MAGI1: variants seen among roughly 807,000 people sequenced by gnomAD.
MAGI1 encodes the protein membrane-associated guanylate kinase, WW and PDZ domain-containing protein 1.
In MAGI1, 58 loss-of-function variants were observed where a neutral mutation model predicts 139.9. That is an observed-to-expected ratio of 0.41 (90% CI 0.34 to 0.52). MAGI1 has a LOEUF of 0.52. Ranked by LOEUF, MAGI1 falls within the 20% of genes least tolerant of loss-of-function variation. MAGI1 has a pLI of 0.12. For synonymous variants in MAGI1, 812 were observed against 737.9 expected (o/e 1.10, Z -1.63); for missense variants, 1,874 against 1,901.6 (o/e 0.99, Z 0.27).
At chr3:65,782,571 G>C (rs2039015364) in intron 1 of MAGI1, among the ~76,000 whole-genome samples, 1 of 111,864 alleles carries the variant, frequency 8.9e-6, no homozygotes, top group African/African-American at 3.3e-5. Context: ...CTGGACCAAA[G>C]GAGAATAAAA....
At chr3:65,433,531 T>C (rs1254376023) in intron 10 of MAGI1, among the ~76,000 whole-genome samples, 2 of 152,110 alleles carry the variant, frequency 1.3e-5, no homozygotes, top group Non-Finnish European at 2.9e-5. Context: ...AGAAACGCTT[T>C]TCACCCCATA....
At chr3:65,742,593 G>A (rs946225616) in intron 1 of MAGI1, among the ~76,000 whole-genome samples, 4 of 152,222 alleles carry the variant, frequency 2.6e-5, no homozygotes, top group East Asian at 1.9e-4. Context: ...TTGTGTGTGA[G>A]TGAATGTGTC....
rs111610990 is a variant in MAGI1, at chr3:65,383,793, G to A, written c.2417-170C>T. Among the ~76,000 whole-genome samples the A allele has an allele frequency of 2.6e-3, 389 of 152,270 alleles. 3 individuals carry two copies. The highest frequency in any genetic ancestry group is 8.5e-3 in the African/African-American group (355 of 41,554). On this transcript the variant is annotated intron_variant, in intron 14 of 22. Coordinates refer to ENST00000402939, the MANE Select transcript of MAGI1 (RefSeq NM_001033057.2). ...GAACAGGTGAAATAATGGAAGACACGGGGATAAACAGTGGGAATAGTCACT... is the reference window on the plus strand; with the variant it reads ...GAACAGGTGAAATAATGGAAGACACAGGGATAAACAGTGGGAATAGTCACT...
chr3:65,357,492 A>AC (rs370276311), intron 22 of MAGI1, among the ~76,000 whole-genome samples: 109 of 85,874 alleles, frequency 1.3e-3, no homozygotes, highest in Non-Finnish European at 1.5e-3. Flanking sequence ...TTCCTTTCCC[A>AC]CCCCCCCAAC....
chr3:65,752,108 T>TA (rs892748288), intron 1 of MAGI1, among the ~76,000 whole-genome samples: 7 of 152,134 alleles, frequency 4.6e-5, no homozygotes, highest in Non-Finnish European at 1.0e-4. Flanking sequence ...AAGGCCTGGC[T>TA]AAATTTTTTT....
chr3:65,937,339 G>C (rs1442631320), intron 1 of MAGI1, among the ~76,000 whole-genome samples: 3 of 152,122 alleles, frequency 2.0e-5, no homozygotes, highest in African/African-American at 7.2e-5. Context: ...TCCAACGCTT[G>C]CTAGCTTTGT....
At chr3:65,848,371 C>T (rs989733348) in intron 1 of MAGI1, among the ~76,000 whole-genome samples, 5 of 152,228 alleles carry the variant, frequency 3.3e-5, no homozygotes, top group Admixed American at 1.3e-4. Context: ...AAGCTGACAT[C>T]GATATCTGAT....
In MAGI1 at chr3:65,356,710, G is replaced by A; in HGVS notation, c.4057C>T (p.Arg1353Trp). 1 of 1,592,962 alleles carries A rather than the reference G, an allele frequency of 6.3e-7. No individual in the cohort carries two copies. The change falls in exon 23 of 23, where the codon CGG becomes TGG. Residue 1353 changes from arginine (R) to tryptophan (W), a missense_variant. By Grantham distance (101) the Arg-to-Trp change is moderately radical. This residue lies in a region of MAGI1 where 653 missense variants were observed against 644.5 expected (regional missense o/e 1.01). Transcript: ENST00000402939. ...HEKRRDVSPE[R>W]RRERSPTRRR... ...CGGGTGGGTGACCGCTCTCGCCTCC[G>A]CTCCGGAGAGACGTCTCGTCTCTTC...
At chr3:65,496,556 T>C (rs970987823) in intron 2 of MAGI1, among the ~76,000 whole-genome samples, 2 of 152,210 alleles carry the variant, frequency 1.3e-5, no homozygotes, top group South Asian at 2.1e-4. Flanking sequence ...AGCTACAGCA[T>C]AGTCCATAGA....
intron 1 of MAGI1, among the ~76,000 whole-genome samples, chr3:65,715,405 TTCTTGCTATA>T (rs771493238): frequency 4.9e-4 from 75 of 152,246 alleles, no homozygotes; most frequent in Non-Finnish European, 8.7e-4. Flanking sequence ...AATTTGCTAT[TTCTTGCTATA>T]TATGCCAAAA....
At chr3:65,488,329 CT>C (rs1227483573) in intron 3 of MAGI1, among the ~76,000 whole-genome samples, 1 of 151,984 alleles carries the variant, frequency 6.6e-6, no homozygotes, top group African/African-American at 2.4e-5. Flanking sequence ...ACACTCATAA[CT>C]TTTTTTCTTT....
At chr3:65,735,292 A>C (rs4301041) in intron 1 of MAGI1, among the ~76,000 whole-genome samples, 41,841 of 151,976 alleles carry the variant, frequency 0.28, 7,164 homozygotes, top group African/African-American at 0.48. Flanking sequence ...ACAGAAGTTA[A>C]GGATTTTTGG....
intron 1 of MAGI1, among the ~76,000 whole-genome samples, chr3:65,634,388 C>A (rs1198041456): frequency 6.6e-6 from 1 of 152,236 alleles, no homozygotes; most frequent in Non-Finnish European, 1.5e-5. Context: ...ATAGCTGGTG[C>A]TGTAGAAATT....
chr3:65,361,856 C>A (rs1253727623), intron 21 of MAGI1, among the ~76,000 whole-genome samples: 1 of 152,138 alleles, frequency 6.6e-6, no homozygotes, highest in Non-Finnish European at 1.5e-5. Flanking sequence ...GAGGGACTGC[C>A]CTATAAGGCA....
At chr3:65,993,833 C>A (rs946513939) in intron 1 of MAGI1, among the ~76,000 whole-genome samples, 3 of 152,112 alleles carry the variant, frequency 2.0e-5, no homozygotes, top group Admixed American at 2.0e-4. Context: ...GGAAATGGAA[C>A]AAAATTCTAC....
chr3:65,601,271 T>A (rs1488680711), intron 2 of MAGI1, among the ~76,000 whole-genome samples: 1 of 152,148 alleles, frequency 6.6e-6, no homozygotes, highest in Non-Finnish European at 1.5e-5. Context: ...AGTTTGTTTG[T>A]TTTTTTAATA....
intron 1 of MAGI1, among the ~76,000 whole-genome samples, chr3:65,706,781 G>A (rs868808532): frequency 1.3e-5 from 2 of 152,132 alleles, no homozygotes; most frequent in Admixed American, 6.5e-5. Context: ...AACAGTATGG[G>A]ATGGAAATGA....
At chr3:65,530,676 T>TATATATAC (rs1553661755) in intron 2 of MAGI1, among the ~76,000 whole-genome samples, 2,057 of 135,872 alleles carry the variant, frequency 0.015, 110 homozygotes, top group African/African-American at 0.058. Flanking sequence ...TATATATACA[T>TATATATAC]ATATATATAC....
Position 65,846,556 on chromosome 3 carries a change from T to C in MAGI1, c.313+191440A>G, listed in dbSNP as rs562514571. On this transcript the variant is annotated intron_variant, in intron 1 of 22. Transcript: ENST00000402939. The stretch of plus-strand genomic sequence containing the variant: ...TAATAGGGCCCCACAAAGGTCCTTA[T>C]AGTAAGTCTGAGTAGCAACTGCCTC... 7.2e-5 allele frequency among the ~76,000 whole-genome samples: 11 copies of C among 152,348 alleles called. No homozygotes were observed. The South Asian group carries it at 2.3e-3, about 32-fold the overall frequency.
Sources: gnomAD v4.1 joint callset for allele counts (sites outside exome capture counted in the v4.1 genomes callset) on GRCh38, gnomAD v4.1.1 for gene constraint, gnomAD v4.1.1 regional missense constraint, MANE v1.5 for transcripts, NCBI Gene and HGNC (gene_info 2026-07-23, HGNC 2026-07-21) for gene names.